Variants in RPAP2 observed in about 807,000 individuals in gnomAD.
RPAP2 encodes putative RNA polymerase II subunit B1 CTD phosphatase RPAP2.
A neutral mutation model predicts 73.1 loss-of-function variants in RPAP2; 52 were observed. That is an observed-to-expected ratio of 0.71 (90% CI 0.57 to 0.90). The LOEUF is 0.90. Ranked by LOEUF, RPAP2 falls within the 40% of genes least tolerant of loss-of-function variation. RPAP2 has a pLI of 0.00. For missense variants in RPAP2, 598 were observed against 701.8 expected, an observed-to-expected ratio of 0.85 and a Z score of 1.67; for synonymous variants, 225 against 242.1, an observed-to-expected ratio of 0.93 and a Z score of 0.65.
intron 8 of RPAP2, among the ~76,000 whole-genome samples, chr1:92,324,768 T>C (rs1652528955): frequency 6.6e-6 from 1 of 152,190 alleles, no homozygotes; most frequent in African/African-American, 2.4e-5. Context: ...TGCCATGGAA[T>C]AGACTTGGTA....
chr1:92,358,319 T>C (rs1347691604), intron 11 of RPAP2, among the ~76,000 whole-genome samples: 2 of 152,188 alleles, frequency 1.3e-5, no homozygotes, highest in Non-Finnish European at 2.9e-5. Context: ...TCTTTACCAC[T>C]GTAGCACACA....
chr1:92,315,670 T>C (rs915090726), intron 6 of RPAP2, among the ~76,000 whole-genome samples: 1 of 152,202 alleles, frequency 6.6e-6, no homozygotes, highest in African/African-American at 2.4e-5. Context: ...TTGGTATAGA[T>C]GTTTAAATAA....
chr1:92,386,891 T>C (rs1655883715), intron 12 of RPAP2, 120 bp from the exon 13 acceptor site: 1 of 676,818 alleles, frequency 1.5e-6, no homozygotes, highest in South Asian at 2.8e-5. Context: ...TTTGTATTTT[T>C]AGTAGAGATG....
chr1:92,309,580 TACATACACATACACATACACATAC>T (rs56342531), intron 6 of RPAP2, among the ~76,000 whole-genome samples: 208 of 147,958 alleles, frequency 1.4e-3, no homozygotes, highest in African/African-American at 4.8e-3. Context: ...CATATACATA[TACATACACATACACATACACATAC>T]ACATACACAT....
At chr1:92,328,952 T>G (rs1458278297) in intron 8 of RPAP2, among the ~76,000 whole-genome samples, 1 of 152,220 alleles carries the variant, frequency 6.6e-6, no homozygotes, top group African/African-American at 2.4e-5. Flanking sequence ...ACCAGGCTTC[T>G]GGCGGGTACT....
rs1008888006 is a variant in RPAP2, at chr1:92,397,499, C to A, written c.*10488C>A. On this transcript the variant is annotated 3_prime_UTR_variant, in exon 13 of 13. Coordinates refer to ENST00000610020, the MANE Select transcript of RPAP2 (RefSeq NM_024813.3). ...TCACATGCCCTACAAGTCTAGAGAC[C>A]TCAGGTGAGGAGCCAGTAGCTCAGT... 75 of 152,198 alleles carry A rather than the reference C, an allele frequency of 4.9e-4. No homozygotes were observed. Among genetic ancestry groups the A allele is most frequent in the African/African-American group, 1.7e-3 (71 of 41,512 alleles). 9.4% of individuals were successfully genotyped at this position (152,198 alleles called of 1,614,324 possible).
At chr1:92,385,583 CATTT>C (rs1655832731) in intron 12 of RPAP2, among the ~76,000 whole-genome samples, 1 of 151,804 alleles carries the variant, frequency 6.6e-6, no homozygotes, top group Non-Finnish European at 1.5e-5. Context: ...ATGGTAAATT[CATTT>C]GAGTTTAGAG....
intron 8 of RPAP2, 22 bp from the exon 9 acceptor site, chr1:92,333,369 T>C (rs1287624400): frequency 1.9e-6 from 3 of 1,580,890 alleles, no homozygotes; most frequent in Non-Finnish European, 2.6e-6. Context: ...TCTGTTTTGC[T>C]TTGTTTAAAA....
At chr1:92,369,779 T>A (rs973180492) in intron 11 of RPAP2, among the ~76,000 whole-genome samples, 1 of 152,180 alleles carries the variant, frequency 6.6e-6, no homozygotes, top group Non-Finnish European at 1.5e-5. Flanking sequence ...AAGAGGAGCC[T>A]GGGGAGTCAA....
In RPAP2 at chr1:92,401,916, T is replaced by C. The variant is rs1056846999; in HGVS notation, c.*14905T>C. 5 of 152,346 alleles carry C rather than the reference T, an allele frequency of 3.3e-5. No individual in the cohort carries two copies. Among genetic ancestry groups the C allele is most frequent in the Middle Eastern group, 3.4e-3 (1 of 294 alleles). The allele number at this position is 152,346 out of a possible 1,614,324, so 9.4% of individuals were successfully genotyped here. ...CACTGATCATGATGCATTTTCCTCT[T>C]TGTAAATTGCTGTATTCATTTTAGT... On this transcript the variant is annotated 3_prime_UTR_variant, in exon 13 of 13. Coordinates refer to ENST00000610020, the MANE Select transcript of RPAP2 (RefSeq NM_024813.3).
At chr1:92,314,522 G>A (rs1027268281) in intron 6 of RPAP2, among the ~76,000 whole-genome samples, 7 of 152,110 alleles carry the variant, frequency 4.6e-5, no homozygotes, top group Admixed American at 2.0e-4. Context: ...GGCCAAGGCC[G>A]GTGGATCACT....
At chr1:92,358,404 C>T (rs1173085819) in intron 11 of RPAP2, among the ~76,000 whole-genome samples, 1 of 151,948 alleles carries the variant, frequency 6.6e-6, no homozygotes, top group East Asian at 1.9e-4. Context: ...AGTGTTTCCT[C>T]CTCACGAAAC....
At chr1:92,321,810 A>G (rs1356781720) in intron 7 of RPAP2, among the ~76,000 whole-genome samples, 1 of 151,946 alleles carries the variant, frequency 6.6e-6, no homozygotes, top group Admixed American at 6.6e-5. Flanking sequence ...CATTCTGTAG[A>G]ATTTTCTGTA....
At chr1:92,334,324 G>A (rs1323904156) in intron 9 of RPAP2, among the ~76,000 whole-genome samples, 1 of 151,702 alleles carries the variant, frequency 6.6e-6, no homozygotes, top group Non-Finnish European at 1.5e-5. Context: ...GACCTTTTTT[G>A]GTTTTTTATT....
At chr1:92,300,403 C>G (rs75968796) in intron 2 of RPAP2, among the ~76,000 whole-genome samples, 164 bp downstream of exon 2, 2 of 151,944 alleles carry the variant, frequency 1.3e-5, no homozygotes, top group African/African-American at 4.8e-5. Context: ...TAGACTGTTA[C>G]ATTCCTCTAC....
At chr1:92,311,754 T>A (rs1171920269) in intron 6 of RPAP2, among the ~76,000 whole-genome samples, 2 of 152,232 alleles carry the variant, frequency 1.3e-5, no homozygotes, top group Admixed American at 6.5e-5. Flanking sequence ...GGATTTTGTT[T>A]CCCAGTGTAT....
chr1:92,370,517 C>T (rs917293186), intron 11 of RPAP2, among the ~76,000 whole-genome samples: 23 of 152,102 alleles, frequency 1.5e-4, no homozygotes, highest in Non-Finnish European at 2.8e-4. Flanking sequence ...CTGCAAGAGA[C>T]ATTTAGATTA....
chr1:92,308,777 T>C (rs975434950), intron 6 of RPAP2, among the ~76,000 whole-genome samples: 1 of 152,146 alleles, frequency 6.6e-6, no homozygotes, highest in Middle Eastern at 3.2e-3. Flanking sequence ...TTAGCCAATA[T>C]GGTGATACCC....
At chr1:92,361,463 A>G (rs1654731070) in intron 11 of RPAP2, among the ~76,000 whole-genome samples, 1 of 152,214 alleles carries the variant, frequency 6.6e-6, no homozygotes, top group Non-Finnish European at 1.5e-5. Flanking sequence ...CTTATGGCAT[A>G]GATTTGATAA....
Sources: gnomAD v4.1 joint callset for allele counts (sites outside exome capture counted in the v4.1 genomes callset) on GRCh38, gnomAD v4.1.1 for gene constraint, MANE v1.5 for transcripts, NCBI Gene and HGNC (gene_info 2026-07-23, HGNC 2026-07-21) for gene names.